The following PTPRT variants were observed in gnomAD, a reference collection of about 807,000 sequenced individuals.
PTPRT encodes the protein receptor-type tyrosine-protein phosphatase T.
Under a neutral mutation model 176.8 loss-of-function variants are expected in PTPRT, and 56 were observed. That is an observed-to-expected ratio of 0.32 (90% CI 0.26 to 0.40). The LOEUF (loss-of-function observed/expected upper bound fraction) is 0.40, where lower values mean the gene tolerates loss of function less well. Among genes scored for constraint, PTPRT ranks in the 10% least tolerant of loss-of-function variants. The pLI, the probability that PTPRT is intolerant of heterozygous loss-of-function variation, is 1.00. For synonymous variants in PTPRT, 783 were observed against 739.0 expected (o/e 1.06, Z -0.96); for missense variants, 1,540 against 1,908.2 (o/e 0.81, Z 3.60).
Position 43,034,427 on chromosome 20 carries a change from T to C in PTPRT, c.89-148495A>G, listed in dbSNP as rs190878658. ...GTAGGCTGGGGAACACGGGAATGCC[T>C]GGTGTGGCTACTGCAGAAAAAGTCA... On this transcript the variant is annotated intron_variant, in intron 1 of 30. Coordinates refer to ENST00000373187, the MANE Select transcript of PTPRT (RefSeq NM_007050.6). Among the ~76,000 whole-genome samples, 116 of 152,068 alleles carry C rather than the reference T, an allele frequency of 7.6e-4. 2 individuals are homozygous for C. The East Asian group carries it at 0.021, about 28-fold the overall frequency.
intron 7 of PTPRT, among the ~76,000 whole-genome samples, chr20:42,505,774 C>G (rs1279459301): frequency 5.9e-5 from 9 of 152,098 alleles, no homozygotes; most frequent in Admixed American, 5.9e-4. Context: ...GTGGCTATCT[C>G]TCTGCTTGGT....
intron 1 of PTPRT, among the ~76,000 whole-genome samples, chr20:43,139,213 C>CT (rs2013926664): frequency 6.6e-6 from 1 of 152,222 alleles, no homozygotes; most frequent in African/African-American, 2.4e-5. Flanking sequence ...GGCCTCCTCC[C>CT]TGTCTTGTGC....
At chr20:43,170,465 C>A (rs2096367127) in intron 1 of PTPRT, among the ~76,000 whole-genome samples, 1 of 152,172 alleles carries the variant, frequency 6.6e-6, no homozygotes, top group South Asian at 2.1e-4. Flanking sequence ...ATGAAAAGAT[C>A]TCCAACAATG....
At chr20:42,679,186 T>C (rs1284489811) in intron 6 of PTPRT, among the ~76,000 whole-genome samples, 1 of 152,172 alleles carries the variant, frequency 6.6e-6, no homozygotes, top group South Asian at 2.1e-4. Context: ...TATTAGCCCA[T>C]GGCAAAGCTA....
chr20:42,163,531 A>G (rs775404692), intron 16 of PTPRT, among the ~76,000 whole-genome samples: 3 of 152,200 alleles, frequency 2.0e-5, no homozygotes, highest in Non-Finnish European at 4.4e-5. Flanking sequence ...CCTTGGTTTC[A>G]TGAGTTCGAC....
At chr20:42,534,549 T>C (rs2072441971) in intron 7 of PTPRT, among the ~76,000 whole-genome samples, 1 of 152,156 alleles carries the variant, frequency 6.6e-6, no homozygotes, top group Non-Finnish European at 1.5e-5. Context: ...GGCAGGAGAA[T>C]GGTGTGAACC....
At chr20:42,734,280 T>C (rs1023277311) in intron 6 of PTPRT, among the ~76,000 whole-genome samples, 12 of 152,150 alleles carry the variant, frequency 7.9e-5, no homozygotes, top group Non-Finnish European at 1.8e-4. Flanking sequence ...CCTGCAGGTG[T>C]AGCCTTCCAG....
intron 2 of PTPRT, among the ~76,000 whole-genome samples, chr20:42,833,269 AAAG>A (rs1450650500): frequency 6.7e-6 from 1 of 148,344 alleles, no homozygotes; most frequent in Admixed American, 6.8e-5. Context: ...ACTGAAATTA[AAAG>A]AAAAAAAAAA....
At chr20:42,124,047 TC>T in intron 19 of PTPRT, among the ~76,000 whole-genome samples, 1 of 152,158 alleles carries the variant, frequency 6.6e-6, no homozygotes, top group Non-Finnish European at 1.5e-5. Flanking sequence ...GTGTGCCTGT[TC>T]CCACGCTGCA....
At chr20:42,265,253 C>T (rs1263215548) in intron 13 of PTPRT, among the ~76,000 whole-genome samples, 1 of 152,102 alleles carries the variant, frequency 6.6e-6, no homozygotes, top group Non-Finnish European at 1.5e-5. Flanking sequence ...TGTCTATGGG[C>T]ACAGAGCATG....
At chr20:42,664,607 T>C (rs1027135385) in intron 7 of PTPRT, among the ~76,000 whole-genome samples, 1 of 152,232 alleles carries the variant, frequency 6.6e-6, no homozygotes, top group Non-Finnish European at 1.5e-5. Context: ...AATCATGTAC[T>C]ATTTGATAAG....
chr20:42,365,595 GGAA>G (rs568698764), intron 9 of PTPRT, among the ~76,000 whole-genome samples: 120 of 151,892 alleles, frequency 7.9e-4, no homozygotes, highest in African/African-American at 2.3e-3. Context: ...GGGCCACATT[GGAA>G]GAAGAAGAAT....
At position 42,078,471 on chromosome 20, in the gene PTPRT, C is replaced by A. The variant is rs1568902370; in HGVS notation, c.*2408G>T. 9.6e-6 allele frequency: 2 copies of A among 207,624 alleles called. No homozygotes were observed. Among genetic ancestry groups the A allele is most frequent in the East Asian group, 1.5e-4 (2 of 13,746 alleles). 12.9% of individuals were successfully genotyped at this position (207,624 alleles called of 1,614,324 possible). A position where few individuals can be genotyped will look rare whatever the true frequency, so the allele number is the denominator to read the frequency against. Reference sequence around the variant, plus strand: ...AGCAACAAAACAATGAGCAGACAGACAAATAGATGTGATATTAAAAAGTGC... The same window carrying A: ...AGCAACAAAACAATGAGCAGACAGAAAAATAGATGTGATATTAAAAAGTGC... On this transcript the variant is annotated 3_prime_UTR_variant, in exon 31 of 31. Transcript: ENST00000373187.
chr20:43,064,844 C>A (rs1221721436), intron 1 of PTPRT, among the ~76,000 whole-genome samples: 2 of 152,176 alleles, frequency 1.3e-5, no homozygotes, highest in African/African-American at 2.4e-5. Context: ...TGTCAAGATC[C>A]AACAGGCCGA....
At chr20:42,543,811 C>T (rs1056458384) in intron 7 of PTPRT, among the ~76,000 whole-genome samples, 4 of 152,006 alleles carry the variant, frequency 2.6e-5, no homozygotes, top group South Asian at 4.2e-4. Context: ...ATGAAAACAA[C>T]GTTAATCTTT....
intron 1 of PTPRT, among the ~76,000 whole-genome samples, chr20:43,142,343 C>A (rs947433970): frequency 2.0e-5 from 3 of 152,220 alleles, no homozygotes; most frequent in Non-Finnish European, 4.4e-5. Context: ...ACACGACTGT[C>A]CCCCGGGCAG....
chr20:43,007,591 T>A (rs1483237720), intron 1 of PTPRT, among the ~76,000 whole-genome samples: 1 of 152,214 alleles, frequency 6.6e-6, no homozygotes, highest in Non-Finnish European at 1.5e-5. Flanking sequence ...TGTAGGGGAA[T>A]GTCTGGACAG....
chr20:42,750,899 G>C (rs534967939), intron 6 of PTPRT, among the ~76,000 whole-genome samples: 1 of 152,240 alleles, frequency 6.6e-6, no homozygotes, highest in East Asian at 1.9e-4. Context: ...ATTGTCAATT[G>C]AGCGAAACCT....
In PTPRT at chr20:43,149,937, G is replaced by A. The variant is rs527949176; in HGVS notation, c.88+39709C>T. Reference sequence around the variant, plus strand: ...CCAGGGAAGAAACGTGTGAACATCCGTGAGATGTGAAGGGAAATGCAGAAT... The same window carrying A: ...CCAGGGAAGAAACGTGTGAACATCCATGAGATGTGAAGGGAAATGCAGAAT... On this transcript the variant is annotated intron_variant, in intron 1 of 30. Coordinates refer to ENST00000373187, the MANE Select transcript of PTPRT (RefSeq NM_007050.6). Among the ~76,000 whole-genome samples the A allele has an allele frequency of 9.9e-5, 15 of 152,182 alleles. No individual in the cohort carries two copies. The South Asian group carries it at 1.0e-3, about 11-fold the overall frequency.
Sources: allele counts gnomAD v4.1 joint callset (sites outside exome capture counted in the v4.1 genomes callset), GRCh38; gene constraint gnomAD v4.1.1; transcripts MANE v1.5; gene names NCBI Gene and HGNC (gene_info 2026-07-23, HGNC 2026-07-21).